Variants in C8orf34 observed in about 807,000 individuals in gnomAD.
The protein encoded by C8orf34 is chromosome 8 open reading frame 34, also known as uncharacterized protein C8orf34.
C8orf34 carries 65 observed loss-of-function variants against 68.3 expected under a neutral mutation model. The ratio of observed to expected loss-of-function variants is 0.95; its 90% CI spans 0.78 to 1.17. The LOEUF (loss-of-function observed/expected upper bound fraction) is 1.17, where lower values mean the gene tolerates loss of function less well. Ranked by LOEUF, C8orf34 falls within the 50% of genes most tolerant of loss-of-function variation. C8orf34 has a pLI of 0.00. For synonymous variants in C8orf34, 244 were observed against 241.2 expected, an observed-to-expected ratio of 1.01 and a Z score of -0.11; for missense variants, 664 against 655.4, an observed-to-expected ratio of 1.01 and a Z score of -0.14.
At chr8:68,460,109 G>C (rs1811733884) in intron 3 of C8orf34, among the ~76,000 whole-genome samples, 1 of 152,170 alleles carries the variant, frequency 6.6e-6, no homozygotes, top group African/African-American at 2.4e-5. Context: ...TTTCCGACAA[G>C]CTTAAAAAAC....
Position 68,787,361 on chromosome 8 carries a change from A to G in C8orf34, c.1456-82A>G, listed in dbSNP as rs530680253. On this transcript the variant is annotated intron_variant, in intron 11 of 13. Transcript: ENST00000518698. ...CTGATGGTTTTTGAAGATGCAGTTC[A>G]TAAAGATTGAAGTGATTATCCACAT... 10 of 847,346 alleles carry G rather than the reference A, an allele frequency of 1.2e-5. No homozygotes were observed. In the East Asian group the frequency reaches 2.2e-4, roughly 19 times the overall value. The allele number at this position is 847,346 out of a possible 1,614,324, so 52.5% of individuals were successfully genotyped here.
chr8:68,342,497 T>C (rs951021891), intron 1 of C8orf34, among the ~76,000 whole-genome samples: 1 of 152,200 alleles, frequency 6.6e-6, no homozygotes, highest in African/African-American at 2.4e-5. Context: ...AGCAGTGTAG[T>C]AGCCCCCTCT....
chr8:68,627,168 G>T (rs1818560927), intron 7 of C8orf34, among the ~76,000 whole-genome samples: 2 of 151,878 alleles, frequency 1.3e-5, no homozygotes. Flanking sequence ...GACTACCTAG[G>T]TACCATCCTT....
chr8:68,381,731 T>G (rs1586023781), intron 1 of C8orf34, among the ~76,000 whole-genome samples: 1 of 72,578 alleles, frequency 1.4e-5, no homozygotes, highest in Non-Finnish European at 2.3e-5. Context: ...AGAGCGAGAC[T>G]CCGTCTCAAA....
chr8:68,510,754 T>G (rs1171990489), intron 5 of C8orf34, among the ~76,000 whole-genome samples: 1 of 152,210 alleles, frequency 6.6e-6, no homozygotes, highest in Non-Finnish European at 1.5e-5. Context: ...CCTTTTGGAT[T>G]GGCTTTGAGG....
intron 8 of C8orf34, among the ~76,000 whole-genome samples, chr8:68,659,249 A>G (rs1819599665): frequency 6.6e-6 from 1 of 152,180 alleles, no homozygotes; most frequent in African/African-American, 2.4e-5. Context: ...ATAGATATAC[A>G]GTATTTTTTT....
intron 11 of C8orf34, among the ~76,000 whole-genome samples, chr8:68,780,500 C>A (rs1409316204): frequency 6.6e-6 from 1 of 152,106 alleles, no homozygotes; most frequent in Non-Finnish European, 1.5e-5. Flanking sequence ...ACCTACTGTA[C>A]TTTTCTGACT....
At chr8:68,438,786 A>T (rs1810773174) in intron 1 of C8orf34, 2 of 152,228 alleles carry the variant, frequency 1.3e-5, no homozygotes, top group East Asian at 3.9e-4. Flanking sequence ...TGGAAAAAAA[A>T]ATATGTAGAT....
chr8:68,390,669 G>GGAATCA (rs1808444891), intron 1 of C8orf34, among the ~76,000 whole-genome samples: 1 of 152,062 alleles, frequency 6.6e-6, no homozygotes, highest in Admixed American at 6.6e-5. Context: ...ATCTGACTGT[G>GGAATCA]GAATCAAGTT....
At chr8:68,588,265 A>G (rs1259696997) in intron 7 of C8orf34, among the ~76,000 whole-genome samples, 1 of 152,122 alleles carries the variant, frequency 6.6e-6, no homozygotes, top group African/African-American at 2.4e-5. Flanking sequence ...TTCATGTGGA[A>G]AGATAATTAT....
intron 10 of C8orf34, among the ~76,000 whole-genome samples, chr8:68,738,405 A>T (rs993587166): frequency 6.6e-6 from 1 of 152,014 alleles, no homozygotes; most frequent in Admixed American, 6.6e-5. Context: ...GAACCAAGAG[A>T]AAACCAACCC....
chr8:68,397,935 AT>A lies in C8orf34; in HGVS notation c.328-41557del, dbSNP rs543842445. 3.8e-3 allele frequency among the ~76,000 whole-genome samples: 580 copies of A among 151,760 alleles called. 8 individuals carry two copies. Among genetic ancestry groups the A allele is most frequent in the African/African-American group, 0.014 (563 of 41,378 alleles). On this transcript the variant is annotated intron_variant, in intron 1 of 13. Coordinates refer to ENST00000518698, the MANE Select transcript of C8orf34 (RefSeq NM_052958.4). ...AGGTGTGCACCAACACACCCAGCCA[AT>A]TTTTTTCTTTTCAGTAGAGACGGGG...
intron 8 of C8orf34, among the ~76,000 whole-genome samples, chr8:68,650,701 G>C (rs952645837): frequency 1.3e-4 from 20 of 151,948 alleles, no homozygotes; most frequent in Admixed American, 3.3e-4. Context: ...GGATGGTCTC[G>C]ATCTCCTGAC....
At chr8:68,774,102 G>C (rs981749676) in intron 10 of C8orf34, among the ~76,000 whole-genome samples, 2 of 152,040 alleles carry the variant, frequency 1.3e-5, no homozygotes, top group African/African-American at 4.8e-5. Flanking sequence ...GCTCCAGAAA[G>C]CACATTTGTA....
intron 8 of C8orf34, among the ~76,000 whole-genome samples, chr8:68,697,754 C>T (rs570902533): frequency 3.9e-5 from 6 of 152,078 alleles, no homozygotes; most frequent in Admixed American, 2.0e-4. Context: ...CAGTTCCCAG[C>T]CCATGGACTG....
chr8:68,729,698 T>C (rs1023238692), intron 10 of C8orf34, among the ~76,000 whole-genome samples: 1 of 152,202 alleles, frequency 6.6e-6, no homozygotes, highest in African/African-American at 2.4e-5. Flanking sequence ...AAAATTGTAC[T>C]CATATAATTC....
At position 68,466,765 on chromosome 8, in the gene C8orf34, A is replaced by ATATATATG. The variant is rs1242128072; in HGVS notation, c.608-1927_608-1926insTATATATG. ...TATATATATATATATATATATATAT[A>ATATATATG]GATGCTTTCATTTCTTTATGATGAC... On this transcript the variant is annotated intron_variant, in intron 3 of 13. Transcript: ENST00000518698. Among the ~76,000 whole-genome samples the ATATATATG allele has an allele frequency of 1.6e-3, 192 of 123,320 alleles. 6 individuals are homozygous for ATATATATG. Among genetic ancestry groups the ATATATATG allele is most frequent in the Middle Eastern group, 0.013 (3 of 240 alleles). 80.9% of individuals were successfully genotyped at this position (123,320 alleles called of 152,430 possible).
chr8:68,471,842 G>T (rs1384548825), intron 4 of C8orf34, among the ~76,000 whole-genome samples: 1 of 151,752 alleles, frequency 6.6e-6, no homozygotes, highest in Non-Finnish European at 1.5e-5. Flanking sequence ...TTTTAGTTGA[G>T]ATTGACAGCA....
At chr8:68,660,526 C>T (rs1264613917) in intron 8 of C8orf34, among the ~76,000 whole-genome samples, 3 of 152,114 alleles carry the variant, frequency 2.0e-5, no homozygotes, top group Non-Finnish European at 4.4e-5. Flanking sequence ...CTTGTCTATG[C>T]CATGGATACT....
Sources: gnomAD v4.1 joint callset for allele counts (sites outside exome capture counted in the v4.1 genomes callset) on GRCh38, gnomAD v4.1.1 for gene constraint, MANE v1.5 for transcripts, NCBI Gene and HGNC (gene_info 2026-07-23, HGNC 2026-07-21) for gene names.